BRINP3: variants seen among roughly 807,000 people sequenced by gnomAD.
The protein encoded by BRINP3 is BMP/retinoic acid inducible neural specific 3, also known as BMP/retinoic acid-inducible neural-specific protein 3.
Under a neutral mutation model 71.0 loss-of-function variants are expected in BRINP3, and 19 were observed. That is an observed-to-expected ratio of 0.27 (90% CI 0.19 to 0.39). The LOEUF (loss-of-function observed/expected upper bound fraction) is 0.39. Ranked by LOEUF, BRINP3 falls within the 10% of genes least tolerant of loss-of-function variation. The pLI is 1.00. For synonymous variants in BRINP3, 380 were observed against 337.7 expected (o/e 1.13, Z -1.37); for missense variants, 959 against 940.8 (o/e 1.02, Z -0.25).
In BRINP3 at chr1:190,225,126, T is replaced by G. The variant is rs973439131; in HGVS notation, c.961+956A>C. 3.9e-5 allele frequency among the ~76,000 whole-genome samples: 6 copies of G among 152,058 alleles called. No homozygotes were observed. In the South Asian group the frequency reaches 1.2e-3, roughly 32 times the overall value. ...ATATTATTAATCTCACTACTGAATA[T>G]ATATACAAAATAAAGGAAATCAGTA... On this transcript the variant is annotated intron_variant, in intron 6 of 7. Coordinates refer to ENST00000367462, the MANE Select transcript of BRINP3 (RefSeq NM_199051.3).
intron 7 of BRINP3, among the ~76,000 whole-genome samples, chr1:190,139,533 A>G (rs1352154718): frequency 6.6e-6 from 1 of 152,042 alleles, no homozygotes; most frequent in Admixed American, 6.6e-5. Context: ...GACTTGCAAA[A>G]TCATATTGAA....
At chr1:190,201,069 G>A (rs1472734967) in intron 6 of BRINP3, among the ~76,000 whole-genome samples, 2 of 152,094 alleles carry the variant, frequency 1.3e-5, no homozygotes, top group East Asian at 1.9e-4. Context: ...ACAGTTTGGA[G>A]GGCTCAGAAA....
chr1:190,281,200 G>A (rs561061508), intron 3 of BRINP3, among the ~76,000 whole-genome samples: 1 of 151,896 alleles, frequency 6.6e-6, no homozygotes, highest in South Asian at 2.1e-4. Context: ...TGTACTCAAA[G>A]AAATCTTTCC....
chr1:190,274,521 A>C (rs1571597272), intron 3 of BRINP3, among the ~76,000 whole-genome samples: 2 of 151,720 alleles, frequency 1.3e-5, no homozygotes, highest in South Asian at 4.1e-4. Flanking sequence ...AGAAATATAC[A>C]TTGAAAACAT....
rs975230499 is a variant in BRINP3 at position 190,277,365 on chromosome 1, A to G, written c.427+4195T>C. Among the ~76,000 whole-genome samples the G allele has an allele frequency of 2.6e-5, 4 of 151,240 alleles. No homozygotes were observed. In the East Asian group the frequency reaches 7.9e-4, roughly 30 times the overall value. ...CCTCACTGCCTTAGAGCTGAGAGAG[A>G]CAAGAGTACTAGCGGAGGAACTCAC... On this transcript the variant is annotated intron_variant, in intron 3 of 7. Transcript: ENST00000367462.
At chr1:190,238,074 T>C (rs1334261379) in intron 4 of BRINP3, among the ~76,000 whole-genome samples, 1 of 152,078 alleles carries the variant, frequency 6.6e-6, no homozygotes, top group Non-Finnish European at 1.5e-5. Flanking sequence ...GACAAACTGC[T>C]ATACCAGTTA....
chr1:190,323,122 T>C (rs1403938708), intron 2 of BRINP3, among the ~76,000 whole-genome samples: 1 of 152,046 alleles, frequency 6.6e-6, no homozygotes, highest in Non-Finnish European at 1.5e-5. Flanking sequence ...AATTGAAGTA[T>C]ATGCATAAAT....
intron 7 of BRINP3, among the ~76,000 whole-genome samples, chr1:190,152,065 A>T (rs1656441010): frequency 6.6e-6 from 1 of 152,130 alleles, no homozygotes; most frequent in South Asian, 2.1e-4. Flanking sequence ...CTTTCCAAAA[A>T]GGGCTGTAGT....
chr1:190,473,539 T>A (rs575267978), intron 1 of BRINP3, among the ~76,000 whole-genome samples: 2 of 127,488 alleles, frequency 1.6e-5, no homozygotes, highest in Non-Finnish European at 3.5e-5. Flanking sequence ...GTAATTTTTC[T>A]CTTTTTTTTT....
intron 2 of BRINP3, among the ~76,000 whole-genome samples, chr1:190,323,714 ACATGACAAG>A (rs1666400047): frequency 6.6e-6 from 1 of 151,980 alleles, no homozygotes; most frequent in Non-Finnish European, 1.5e-5. Flanking sequence ...AGCAAGACAA[ACATGACAAG>A]CATGACATGA....
intron 2 of BRINP3, among the ~76,000 whole-genome samples, chr1:190,320,069 T>C (rs919370581): frequency 6.6e-6 from 1 of 151,994 alleles, no homozygotes; most frequent in Non-Finnish European, 1.5e-5. Flanking sequence ...GATAGGTTCT[T>C]GGTAACTTTG....
intron 6 of BRINP3, among the ~76,000 whole-genome samples, chr1:190,214,000 C>T (rs887305332): frequency 6.6e-6 from 1 of 152,036 alleles, no homozygotes; most frequent in African/African-American, 2.4e-5. Context: ...CTCCAATTCT[C>T]ATCTCCCATG....
At chr1:190,283,446 G>A (rs1043243147) in intron 2 of BRINP3, among the ~76,000 whole-genome samples, 1 of 151,724 alleles carries the variant, frequency 6.6e-6, no homozygotes, top group Admixed American at 6.6e-5. Flanking sequence ...TCTCTTCAAA[G>A]TGTCATCTTT....
Position 190,202,703 on chromosome 1 carries a change from TA to T in BRINP3, c.961+23378del, listed in dbSNP as rs559419058. On this transcript the variant is annotated intron_variant, in intron 6 of 7. Coordinates refer to ENST00000367462, the MANE Select transcript of BRINP3 (RefSeq NM_199051.3). ...TGGGTCTCATGAGATCTGATGGTTT[TA>T]AAAAATGGGAGTTTGTCTGAAAAAA... 3.4e-3 allele frequency among the ~76,000 whole-genome samples: 524 copies of T among 152,160 alleles called. 4 individuals are homozygous for T. Among genetic ancestry groups the T allele is most frequent in the Non-Finnish European group, 4.7e-3 (318 of 67,974 alleles).
intron 7 of BRINP3, among the ~76,000 whole-genome samples, chr1:190,143,268 G>A (rs780330314): frequency 9.2e-5 from 14 of 151,838 alleles, no homozygotes; most frequent in African/African-American, 1.5e-4. Flanking sequence ...GCTGGCTTTC[G>A]GAAGATGTGT....
intron 2 of BRINP3, among the ~76,000 whole-genome samples, chr1:190,312,069 A>ATATATATG (rs963513488): frequency 2.8e-5 from 4 of 141,152 alleles, no homozygotes; most frequent in Non-Finnish European, 4.7e-5. Context: ...ATATATATAT[A>ATATATATG]TATATATGTA....
At chr1:190,281,073 T>C (rs1335911393) in intron 3 of BRINP3, among the ~76,000 whole-genome samples, 1 of 151,956 alleles carries the variant, frequency 6.6e-6, no homozygotes, top group Non-Finnish European at 1.5e-5. Context: ...ATTTCTACTT[T>C]CTTATTATGC....
chr1:190,142,253 C>A (rs994257279), intron 7 of BRINP3, among the ~76,000 whole-genome samples: 4 of 152,070 alleles, frequency 2.6e-5, no homozygotes, highest in Non-Finnish European at 5.9e-5. Flanking sequence ...ATACAAACAT[C>A]TCAATAAAAA....
chr1:190,286,499 A>T (rs922163759), intron 2 of BRINP3, among the ~76,000 whole-genome samples: 1 of 152,062 alleles, frequency 6.6e-6, no homozygotes, highest in African/African-American at 2.4e-5. Flanking sequence ...CACTCTTCAT[A>T]TTAGAAATTT....
Sources: allele counts gnomAD v4.1 joint callset (sites outside exome capture counted in the v4.1 genomes callset), GRCh38; gene constraint gnomAD v4.1.1; transcripts MANE v1.5; gene names NCBI Gene and HGNC (gene_info 2026-07-23, HGNC 2026-07-21).